ROCK2: variants seen among roughly 807,000 people sequenced by gnomAD.
ROCK2 encodes Rho associated coiled-coil containing protein kinase 2, also known as rho-associated protein kinase 2.
In ROCK2, 61 loss-of-function variants were observed where a neutral mutation model predicts 195.1. The observed-to-expected ratio is 0.31, with a 90% CI of 0.25 to 0.39. ROCK2 has a LOEUF of 0.39. Among genes scored for constraint, ROCK2 ranks in the 10% least tolerant of loss-of-function variants. ROCK2 has a pLI of 1.00. For missense variants in ROCK2, 1,109 were observed against 1,637.4 expected, an observed-to-expected ratio of 0.68 and a Z score of 5.57; for synonymous variants, 504 against 545.5, an observed-to-expected ratio of 0.92 and a Z score of 1.06.
At chr2:11,294,834 G>A (rs1667462589) in intron 1 of ROCK2, among the ~76,000 whole-genome samples, 1 of 152,016 alleles carries the variant, frequency 6.6e-6, no homozygotes, top group African/African-American at 2.4e-5. Context: ...CTGGAGTGCA[G>A]TGCCATGATG....
rs1293985451 is a variant in ROCK2, at chr2:11,215,633, T to C, written c.1474A>G (p.Lys492Glu). 3 of 1,602,246 alleles carry C rather than the reference T, an allele frequency of 1.9e-6. No homozygotes were observed. Among genetic ancestry groups the C allele is most frequent in the Non-Finnish European group, 2.5e-6 (3 of 1,176,840 alleles). Residue 492 changes from lysine (K) to glutamate (E), a missense_variant, in exon 14 of 33, where the codon AAA becomes GAA. Coordinates refer to ENST00000315872, the MANE Select transcript of ROCK2 (RefSeq NM_004850.5). The stretch of plus-strand genomic sequence containing the variant: ...TGTCTTAATGCTGATTCCACACTTT[T>C]CCGTAAGGTAATCTGAAATAATGCT... The part of the protein sequence containing the change: ...KELEEEITLR[K>E]SVESALRQLE...
intron 3 of ROCK2, among the ~76,000 whole-genome samples, chr2:11,274,484 AT>A (rs1183419662): frequency 6.6e-6 from 1 of 152,224 alleles, no homozygotes; most frequent in Non-Finnish European, 1.5e-5. Flanking sequence ...ACTCTGACCA[AT>A]TCTATGTTAA....
intron 1 of ROCK2, among the ~76,000 whole-genome samples, chr2:11,331,927 A>G (rs1028584479): frequency 1.3e-5 from 2 of 152,120 alleles, no homozygotes; most frequent in Admixed American, 6.5e-5. Context: ...CTGTCTCAAC[A>G]ACAACAACAA....
intron 1 of ROCK2, among the ~76,000 whole-genome samples, chr2:11,295,829 C>G (rs1243350318): frequency 6.6e-6 from 1 of 151,916 alleles, no homozygotes; most frequent in African/African-American, 2.4e-5. Context: ...TGGTGGTACA[C>G]GCCTGTAATC....
chr2:11,273,698 G>A (rs960899880), intron 3 of ROCK2, among the ~76,000 whole-genome samples: 1 of 152,054 alleles, frequency 6.6e-6, no homozygotes, highest in Non-Finnish European at 1.5e-5. Flanking sequence ...AAGTGCACAT[G>A]GGACATTTTC....
chr2:11,235,993 T>A lies in ROCK2; in HGVS notation c.463-31A>T, dbSNP rs547697168. On this transcript the variant is annotated intron_variant, in intron 4 of 32. Transcript: ENST00000315872. This position sits in a 1 kb window ranked among gnomAD's most constrained non-coding sequence, Gnocchi z 4.2. ...AAACAAAAGGAAAAGGAAAAATTTT[T>A]AAAAACCCAAACCAAAAATCATAAT... is the stretch of plus-strand genomic sequence containing the variant. The A allele has an allele frequency of 1.2e-5, 18 of 1,444,914 alleles. No individual in the cohort carries two copies. The Admixed American group carries it at 2.1e-4, about 17-fold the overall frequency. The allele number at this position is 1,444,914 out of a possible 1,614,324, so 89.5% of individuals were successfully genotyped here.
chr2:11,338,297 T>C (rs909413426), intron 1 of ROCK2, among the ~76,000 whole-genome samples: 2 of 152,166 alleles, frequency 1.3e-5, no homozygotes, highest in African/African-American at 4.8e-5. Flanking sequence ...TAGTGCGCTA[T>C]GACTACACCA....
At chr2:11,285,283 T>A (rs796233343) in intron 3 of ROCK2, among the ~76,000 whole-genome samples, 26 of 129,422 alleles carry the variant, frequency 2.0e-4, no homozygotes, top group Non-Finnish European at 2.5e-4. Flanking sequence ...AAAAAAAAAA[T>A]GTTTAATAGG....
intron 1 of ROCK2, among the ~76,000 whole-genome samples, chr2:11,303,444 C>T (rs7598990): frequency 0.024 from 3,698 of 152,072 alleles, 174 homozygotes; most frequent in African/African-American, 0.085. Context: ...TATGGATGTA[C>T]AGTCCTAGCT....
chr2:11,324,398 G>A (rs1337671645), intron 1 of ROCK2, among the ~76,000 whole-genome samples: 4 of 151,926 alleles, frequency 2.6e-5, no homozygotes, highest in Non-Finnish European at 4.4e-5. Flanking sequence ...GCACTGCAGC[G>A]TGGCGACAGA....
intron 32 of ROCK2, among the ~76,000 whole-genome samples, chr2:11,191,406 C>G (rs556873694): frequency 6.6e-6 from 1 of 152,188 alleles, no homozygotes; most frequent in African/African-American, 2.4e-5. Flanking sequence ...CAAGGAATAA[C>G]CACTTTACCC....
chr2:11,308,497 G>A, intron 1 of ROCK2: 2 of 1,590,756 alleles, frequency 1.3e-6, no homozygotes, highest in Non-Finnish European at 1.7e-6. Context: ...TCTTACCAAG[G>A]TTGCCACTGG....
chr2:11,227,148 C>A, intron 6 of ROCK2, 106 bp downstream of exon 6: 1 of 1,063,754 alleles, frequency 9.4e-7, no homozygotes, highest in Non-Finnish European at 1.4e-6. Flanking sequence ...AAATCTAATT[C>A]TTCCCTACGA....
intron 3 of ROCK2, among the ~76,000 whole-genome samples, chr2:11,254,661 G>A (rs767381729): frequency 2.8e-5 from 4 of 144,886 alleles, no homozygotes; most frequent in Non-Finnish European, 4.5e-5. Flanking sequence ...TTGGGAAGCT[G>A]AGGCAGGAGG....
At chr2:11,321,230 C>G (rs527505053) in intron 1 of ROCK2, among the ~76,000 whole-genome samples, 1 of 152,248 alleles carries the variant, frequency 6.6e-6, no homozygotes, top group East Asian at 1.9e-4. Flanking sequence ...GGCTGAAGTG[C>G]AGTGGCACGA....
At chr2:11,307,404 C>T (rs1373254517) in intron 1 of ROCK2, among the ~76,000 whole-genome samples, 2 of 152,192 alleles carry the variant, frequency 1.3e-5, no homozygotes, top group Admixed American at 1.3e-4. Flanking sequence ...ACCTCCGCCT[C>T]CCAGGTTCAA....
At chr2:11,244,192 G>T (rs762363311) in intron 4 of ROCK2, among the ~76,000 whole-genome samples, 8 of 152,010 alleles carry the variant, frequency 5.3e-5, no homozygotes, top group Non-Finnish European at 1.0e-4. Context: ...ATTATCTCTT[G>T]AATTTTATCA....
intron 3 of ROCK2, among the ~76,000 whole-genome samples, chr2:11,273,586 T>A (rs1359156783): frequency 6.6e-6 from 1 of 152,104 alleles, no homozygotes; most frequent in African/African-American, 2.4e-5. Context: ...CTTAATAGAA[T>A]GGAGTATGGA....
At position 11,249,794 on chromosome 2, in the gene ROCK2, C is replaced by T. The variant is rs1434029280; in HGVS notation, c.329G>A (p.Arg110His). The T allele has an allele frequency of 6.6e-7, 1 of 1,509,962 alleles. No individual in the cohort carries two copies. 93.5% of individuals were successfully genotyped at this position (1,509,962 alleles called of 1,614,324 possible). Residue 110 changes from arginine (R) to histidine (H), a missense_variant, in exon 4 of 33, where the codon CGT becomes CAT. By Grantham distance (29) the Arg-to-His change is conservative. This residue lies in a region of ROCK2 where 253 missense variants were observed against 455.5 expected (regional missense o/e 0.56). Transcript: ENST00000315872. Reference sequence around the variant, plus strand: ...ATAAACCTTCTGCGATGCCTTGTGACGAACCTGTTGATTTTTGAAAACACA... The same window carrying T: ...ATAAACCTTCTGCGATGCCTTGTGATGAACCTGTTGATTTTTGAAAACACA... The part of the protein sequence containing the change: ...RGAFGEVQLV[R>H]HKASQKVYAM...
Sources: allele counts gnomAD v4.1 joint callset (sites outside exome capture counted in the v4.1 genomes callset), GRCh38; gene constraint gnomAD v4.1.1; regional missense constraint gnomAD v4.1.1; non-coding constraint Gnocchi (gnomAD v3.1); transcripts MANE v1.5; gene names NCBI Gene and HGNC (gene_info 2026-07-23, HGNC 2026-07-21).